MAN1C1: variants seen among roughly 807,000 people sequenced by gnomAD.
MAN1C1 encodes the protein mannosyl-oligosaccharide 1,2-alpha-mannosidase IC.
In MAN1C1, 49 loss-of-function variants were observed where a neutral mutation model predicts 71.5. That is an observed-to-expected ratio of 0.69 (90% confidence interval 0.54 to 0.87). The LOEUF (loss-of-function observed/expected upper bound fraction) is 0.87. Ranked by LOEUF, MAN1C1 falls within the 40% of genes least tolerant of loss-of-function variation. MAN1C1 has a pLI of 0.00. For synonymous variants in MAN1C1, 352 were observed against 343.7 expected (o/e 1.02, Z -0.27); for missense variants, 743 against 835.0 (o/e 0.89, Z 1.36).
chr1:25,690,183 C>T (rs1363314229), intron 2 of MAN1C1, among the ~76,000 whole-genome samples: 1 of 152,108 alleles, frequency 6.6e-6, no homozygotes, highest in Admixed American at 6.5e-5. Flanking sequence ...ACATCCGGCT[C>T]AGCAGGCCCT....
At chr1:25,618,382 A>G in intron 1 of MAN1C1, 45 bp downstream of exon 1, 1 of 1,545,378 alleles carries the variant, frequency 6.5e-7, no homozygotes, top group East Asian at 2.4e-5. Flanking sequence ...TGCCCCCTCT[A>G]AGGAGAGAAG....
intron 1 of MAN1C1, among the ~76,000 whole-genome samples, chr1:25,667,678 TTATC>T (rs1380719332): frequency 1.3e-5 from 2 of 152,056 alleles, no homozygotes; most frequent in Non-Finnish European, 2.9e-5. Context: ...TGTGATTAGG[TTATC>T]TTTTATAATA....
intron 2 of MAN1C1, among the ~76,000 whole-genome samples, chr1:25,716,123 T>C (rs953938039): frequency 6.6e-6 from 1 of 152,192 alleles, no homozygotes; most frequent in Non-Finnish European, 1.5e-5. Flanking sequence ...CTGAATCCCA[T>C]TGGCCAGAAC....
chr1:25,621,792 C>G (rs2045215763), intron 1 of MAN1C1, among the ~76,000 whole-genome samples: 1 of 151,916 alleles, frequency 6.6e-6, no homozygotes, highest in African/African-American at 2.4e-5. Flanking sequence ...CCACACCTGG[C>G]TAATTTTTGT....
At chr1:25,658,451 C>G (rs918279815) in intron 1 of MAN1C1, among the ~76,000 whole-genome samples, 3 of 152,072 alleles carry the variant, frequency 2.0e-5, no homozygotes, top group Admixed American at 6.6e-5. Flanking sequence ...TCCAAACTTG[C>G]TGCTGCTTCT....
chr1:25,676,074 C>T (rs556283048), intron 1 of MAN1C1, among the ~76,000 whole-genome samples: 15 of 152,262 alleles, frequency 9.9e-5, no homozygotes, highest in Non-Finnish European at 2.1e-4. Context: ...ACTCCTGGTC[C>T]CTGGAGCACT....
intron 1 of MAN1C1, among the ~76,000 whole-genome samples, chr1:25,678,307 A>G (rs1305550721): frequency 6.6e-6 from 1 of 152,238 alleles, no homozygotes; most frequent in East Asian, 1.9e-4. Flanking sequence ...TTGCATAATT[A>G]TTTCCAAATG....
At chr1:25,645,268 C>G (rs927969705) in intron 1 of MAN1C1, 2 of 152,498 alleles carry the variant, frequency 1.3e-5, no homozygotes, top group African/African-American at 4.8e-5. Context: ...TGCCAAGGAG[C>G]TCCAGGCGCT....
intron 2 of MAN1C1, among the ~76,000 whole-genome samples, chr1:25,743,907 G>A (rs544984424): frequency 3.3e-5 from 5 of 152,334 alleles, no homozygotes; most frequent in East Asian, 1.9e-4. Context: ...AATCAGATCT[G>A]CAACTGTTTT....
chr1:25,655,276 T>C (rs530833575), intron 1 of MAN1C1, among the ~76,000 whole-genome samples: 111 of 152,272 alleles, frequency 7.3e-4, no homozygotes, highest in Non-Finnish European at 1.3e-3. Flanking sequence ...TGCTGCAGCC[T>C]CTCACTCAGC....
intron 2 of MAN1C1, among the ~76,000 whole-genome samples, chr1:25,701,700 G>A (rs899315713): frequency 6.6e-6 from 1 of 152,232 alleles, no homozygotes; most frequent in Non-Finnish European, 1.5e-5. Context: ...CAAAGGGCGT[G>A]CGATGTGCCT....
Position 25,631,004 on chromosome 1 carries a change from G to A in MAN1C1, c.540+12667G>A, listed in dbSNP as rs796203622. ...TTTTGAGACAGAGTCTCGCTCTGTCGCCCAGGCTGGAGTCCAGTGGCACGA... is the reference window on the plus strand; with the variant it reads ...TTTTGAGACAGAGTCTCGCTCTGTCACCCAGGCTGGAGTCCAGTGGCACGA... On this transcript the variant is annotated intron_variant, in intron 1 of 11. Transcript: ENST00000374332. The surrounding 1 kb of genome is among the most constrained non-coding windows in gnomAD (Gnocchi z 4.2). Among the ~76,000 whole-genome samples the A allele has an allele frequency of 9.2e-5, 14 of 152,092 alleles. No homozygotes were observed. The highest frequency in any genetic ancestry group is 5.8e-4 in the East Asian group (3 of 5,170).
chr1:25,756,008 A>G (rs2047281334), intron 5 of MAN1C1, among the ~76,000 whole-genome samples: 3 of 151,842 alleles, frequency 2.0e-5, no homozygotes, highest in Admixed American at 2.0e-4. Context: ...TCTACCACTT[A>G]CTCTGTGGCC....
intron 2 of MAN1C1, among the ~76,000 whole-genome samples, chr1:25,692,991 G>A (rs1206409686): frequency 1.3e-5 from 2 of 152,068 alleles, no homozygotes; most frequent in Admixed American, 6.6e-5. Flanking sequence ...ACAACACAGG[G>A]GTAAGAGGCA....
chr1:25,741,105 C>T (rs961633522), intron 2 of MAN1C1, among the ~76,000 whole-genome samples: 5 of 151,892 alleles, frequency 3.3e-5, no homozygotes, highest in South Asian at 2.1e-4. Flanking sequence ...GTGAAACATG[C>T]GATGCCCAAA....
chr1:25,619,487 TCTC>T (rs1452470086), intron 1 of MAN1C1, among the ~76,000 whole-genome samples: 2 of 152,286 alleles, frequency 1.3e-5, no homozygotes, highest in South Asian at 2.1e-4. Flanking sequence ...ATTATCCCCT[TCTC>T]CTTGTCTGAA....
intron 3 of MAN1C1, among the ~76,000 whole-genome samples, chr1:25,747,684 C>T (rs552803580): frequency 1.1e-4 from 16 of 152,202 alleles, no homozygotes; most frequent in Middle Eastern, 3.4e-3. Flanking sequence ...AGCCTGGGAA[C>T]GCAACACTTT....
chr1:25,678,777 G>C (rs973369369), intron 1 of MAN1C1, among the ~76,000 whole-genome samples: 4 of 152,114 alleles, frequency 2.6e-5, no homozygotes, highest in Non-Finnish European at 5.9e-5. Flanking sequence ...TGTTTACAAA[G>C]CCTTTGTAAT....
chr1:25,754,941 G>A (rs1299885692), intron 5 of MAN1C1, among the ~76,000 whole-genome samples: 1 of 152,258 alleles, frequency 6.6e-6, no homozygotes, highest in East Asian at 1.9e-4. Flanking sequence ...AAGAAAGTCT[G>A]TTGCTAAAAA....
Sources: allele counts gnomAD v4.1 joint callset (sites outside exome capture counted in the v4.1 genomes callset), GRCh38; gene constraint gnomAD v4.1.1; non-coding constraint Gnocchi (gnomAD v3.1); transcripts MANE v1.5; gene names NCBI Gene and HGNC (gene_info 2026-07-23, HGNC 2026-07-21).